Variants in FHIT observed in about 807,000 individuals in gnomAD.
FHIT encodes bis(5'-adenosyl)-triphosphatase.
Under a neutral mutation model 17.9 loss-of-function variants are expected in FHIT, and 19 were observed. The ratio of observed to expected loss-of-function variants is 1.06; its 90% confidence interval spans 0.74 to 1.56. The LOEUF (loss-of-function observed/expected upper bound fraction) is 1.56, where lower values mean the gene tolerates loss of function less well. Ranked by LOEUF, FHIT falls within the 40% of genes most tolerant of loss-of-function variation. The probability of loss-of-function intolerance (pLI) is 0.00; values close to 1 mark genes in which losing one functional copy is unlikely to be tolerated. For missense variants in FHIT, 248 were observed against 189.2 expected (o/e 1.31, Z -1.82); for synonymous variants, 81 against 69.7 (o/e 1.16, Z -0.81).
chr3:60,069,523 C>A (rs1702670237), intron 5 of FHIT, among the ~76,000 whole-genome samples: 1 of 152,088 alleles, frequency 6.6e-6, no homozygotes, highest in Non-Finnish European at 1.5e-5. Flanking sequence ...CAGGTAAGGC[C>A]CCTGCTTGTA....
chr3:60,914,604 A>G (rs1256375891), intron 3 of FHIT, among the ~76,000 whole-genome samples: 1 of 152,208 alleles, frequency 6.6e-6, no homozygotes, highest in African/African-American at 2.4e-5. Context: ...CAAGGCCATG[A>G]ATGAGTATCT....
chr3:60,431,158 C>G (rs563680169), intron 5 of FHIT, among the ~76,000 whole-genome samples: 1 of 151,524 alleles, frequency 6.6e-6, no homozygotes, highest in African/African-American at 2.4e-5. Context: ...CTGCAGTGAG[C>G]TGAGATCGCA....
At chr3:59,965,732 T>A (rs1218410769) in intron 7 of FHIT, among the ~76,000 whole-genome samples, 1 of 152,194 alleles carries the variant, frequency 6.6e-6, no homozygotes, top group Non-Finnish European at 1.5e-5. Context: ...CTAGCCTACA[T>A]GATTCCCATG....
At chr3:61,095,900 T>C (rs2035624147) in intron 2 of FHIT, among the ~76,000 whole-genome samples, 1 of 152,228 alleles carries the variant, frequency 6.6e-6, no homozygotes, top group Non-Finnish European at 1.5e-5. Flanking sequence ...TTACAAGAAA[T>C]GCCTCCATTC....
chr3:59,992,697 T>C (rs547606200), intron 7 of FHIT, among the ~76,000 whole-genome samples: 5 of 152,088 alleles, frequency 3.3e-5, no homozygotes, highest in Non-Finnish European at 7.4e-5. Flanking sequence ...GTTTCAATAG[T>C]GCTTTGTGCA....
intron 4 of FHIT, among the ~76,000 whole-genome samples, chr3:60,607,877 G>C (rs782145026): frequency 7.9e-5 from 12 of 151,990 alleles, no homozygotes; most frequent in Non-Finnish European, 1.3e-4. Context: ...AAAATCAGAG[G>C]GGAAATAAAA....
At chr3:60,016,692 T>A (rs1396637186) in intron 5 of FHIT, among the ~76,000 whole-genome samples, 1 of 152,252 alleles carries the variant, frequency 6.6e-6, no homozygotes, top group Non-Finnish European at 1.5e-5. Flanking sequence ...AGGTCAGATC[T>A]AATTCTGCCT....
intron 5 of FHIT, among the ~76,000 whole-genome samples, chr3:60,042,107 C>T (rs1336392852): frequency 6.6e-6 from 1 of 152,166 alleles, no homozygotes; most frequent in Non-Finnish European, 1.5e-5. Context: ...TGTACAAAAA[C>T]GCATCTCTTG....
intron 5 of FHIT, among the ~76,000 whole-genome samples, chr3:60,453,162 T>C (rs1034369320): frequency 1.1e-4 from 16 of 151,920 alleles, no homozygotes; most frequent in Non-Finnish European, 2.9e-5. Flanking sequence ...TTATACGCTG[T>C]CATGAACAGT....
chr3:60,810,689 TG>T (rs1472977759), intron 4 of FHIT, among the ~76,000 whole-genome samples: 1 of 152,162 alleles, frequency 6.6e-6, no homozygotes, highest in Non-Finnish European at 1.5e-5. Flanking sequence ...CAAGTCTTGA[TG>T]AAGAAATTGC....
At chr3:60,440,817 A>T (rs943449236) in intron 5 of FHIT, among the ~76,000 whole-genome samples, 1 of 152,026 alleles carries the variant, frequency 6.6e-6, no homozygotes, top group East Asian at 1.9e-4. Context: ...CTCTCCTGGA[A>T]CCTCTCTCCA....
intron 5 of FHIT, among the ~76,000 whole-genome samples, chr3:60,308,156 G>C (rs1159762695): frequency 6.6e-6 from 1 of 152,132 alleles, no homozygotes; most frequent in Non-Finnish European, 1.5e-5. Context: ...TAAGGAGTCA[G>C]ACTTCAGTCA....
At chr3:60,346,009 A>T (rs1402253883) in intron 5 of FHIT, among the ~76,000 whole-genome samples, 1 of 152,160 alleles carries the variant, frequency 6.6e-6, no homozygotes, top group Non-Finnish European at 1.5e-5. Flanking sequence ...GCTTGGTCTT[A>T]TCTATTCTTC....
rs548713059 is a variant in FHIT at position 60,667,794 on chromosome 3, T to C, written c.-17-130815A>G. ...TAATCATGTGGGTCTTGGCTACTTTTATCAGCTGTGGCTCCAGTGGCACTC... is the reference window on the plus strand; with the variant it reads ...TAATCATGTGGGTCTTGGCTACTTTCATCAGCTGTGGCTCCAGTGGCACTC... On this transcript the variant is annotated intron_variant, in intron 4 of 9. Coordinates refer to ENST00000492590, the MANE Select transcript of FHIT (RefSeq NM_002012.4). Among the ~76,000 whole-genome samples, 11 of 152,326 alleles carry C rather than the reference T, an allele frequency of 7.2e-5. No individual in the cohort carries two copies. The South Asian group carries it at 2.1e-3, about 29-fold the overall frequency.
intron 8 of FHIT, among the ~76,000 whole-genome samples, chr3:59,914,694 G>T (rs765803883): frequency 1.3e-5 from 2 of 152,030 alleles, no homozygotes; most frequent in Non-Finnish European, 2.9e-5. Flanking sequence ...ATGTTTGGGG[G>T]CTTTTCACTT....
intron 4 of FHIT, among the ~76,000 whole-genome samples, chr3:60,575,447 G>A (rs904275931): frequency 5.3e-5 from 8 of 152,032 alleles, no homozygotes; most frequent in African/African-American, 1.9e-4. Context: ...ATGTCCAGAA[G>A]GACTGTAGTG....
intron 5 of FHIT, among the ~76,000 whole-genome samples, chr3:60,497,482 A>G (rs2034348249): frequency 6.6e-6 from 1 of 152,212 alleles, no homozygotes; most frequent in Non-Finnish European, 1.5e-5. Context: ...TTTGATGAAA[A>G]TTACATAATT....
chr3:60,707,814 G>C (rs1333580224), intron 4 of FHIT, among the ~76,000 whole-genome samples: 1 of 152,184 alleles, frequency 6.6e-6, no homozygotes, highest in African/African-American at 2.4e-5. Context: ...ATGTAAATTG[G>C]AATGTCCTTT....
intron 4 of FHIT, among the ~76,000 whole-genome samples, chr3:60,711,137 A>G (rs1432054346): frequency 1.3e-5 from 2 of 152,296 alleles, no homozygotes; most frequent in East Asian, 3.9e-4. Flanking sequence ...GGTTCTGCAG[A>G]CACCACTGCT....
Sources: allele counts gnomAD v4.1 joint callset (sites outside exome capture counted in the v4.1 genomes callset), GRCh38; gene constraint gnomAD v4.1.1; transcripts MANE v1.5; gene names NCBI Gene and HGNC (gene_info 2026-07-23, HGNC 2026-07-21).